KIF13B: variants seen among roughly 807,000 people sequenced by gnomAD.
KIF13B encodes the protein kinesin-like protein KIF13B.
A neutral mutation model predicts 222.0 loss-of-function variants in KIF13B; 127 were observed. The ratio of observed to expected loss-of-function variants is 0.57; its 90% CI spans 0.50 to 0.66. KIF13B has a LOEUF of 0.66. KIF13B is among the 30% of genes least tolerant of loss of function. The pLI is 0.00. For synonymous variants in KIF13B, 976 were observed against 919.0 expected (o/e 1.06, Z -1.12); for missense variants, 2,173 against 2,379.0 (o/e 0.91, Z 1.80).
In KIF13B at chr8:29,156,611, TCAAG is replaced by T. The variant is rs368233174; in HGVS notation, c.1405-759_1405-756del. Among the ~76,000 whole-genome samples, 507 of 152,112 alleles carry T rather than the reference TCAAG, an allele frequency of 3.3e-3. 6 individuals are homozygous for T. Among genetic ancestry groups the T allele is most frequent in the African/African-American group, 0.012 (491 of 41,484 alleles). On this transcript the variant is annotated intron_variant, in intron 13 of 39. Coordinates refer to ENST00000524189, the MANE Select transcript of KIF13B (RefSeq NM_015254.4). Reference sequence around the variant, plus strand: ...CTCACTAAACCTCACCTTCTTGGGCTCAAGCAATCTTCCTGTCTCAGCCTCTGAG... The same window carrying T: ...CTCACTAAACCTCACCTTCTTGGGCTCAATCTTCCTGTCTCAGCCTCTGAG...
rs192017306 is a variant in KIF13B at position 29,261,428 on chromosome 8, G to A, written c.55+1552C>T. ...ATGTCTTTTGTGGTGGTTGGTTAGC[G>A]GCCTCTTTTTAGCACTGACATTTCC... On this transcript the variant is annotated intron_variant, in intron 1 of 39. Transcript: ENST00000524189. Among the ~76,000 whole-genome samples the A allele has an allele frequency of 8.7e-3, 1,325 of 152,228 alleles. 13 individuals are homozygous for A. Among genetic ancestry groups the A allele is most frequent in the Non-Finnish European group, 0.013 (858 of 68,012 alleles).
chr8:29,139,940 C>A (rs1420869525), intron 21 of KIF13B, 123 bp downstream of exon 21: 2 of 827,922 alleles, frequency 2.4e-6, no homozygotes, highest in African/African-American at 1.7e-5. Flanking sequence ...TAAAGACCTG[C>A]AGTTCTCAAA....
At position 29,209,014 on chromosome 8, in the gene KIF13B, A is replaced by G. The variant is rs1049510879; in HGVS notation, c.150-12815T>C. On this transcript the variant is annotated intron_variant, in intron 2 of 39. Coordinates refer to ENST00000524189, the MANE Select transcript of KIF13B (RefSeq NM_015254.4). Reference sequence around the variant, plus strand: ...TAACAGTCTGTTTGTTCGCATTTGCATGGTCTTAGTTTATTTCCATAGGCT... The same window carrying G: ...TAACAGTCTGTTTGTTCGCATTTGCGTGGTCTTAGTTTATTTCCATAGGCT... Among the ~76,000 whole-genome samples the G allele has an allele frequency of 4.6e-5, 7 of 152,210 alleles. No individual in the cohort carries two copies. In the South Asian group the frequency reaches 8.3e-4, roughly 18 times the overall value.
At chr8:29,245,116 C>A (rs969610632) in intron 2 of KIF13B, among the ~76,000 whole-genome samples, 1 of 152,232 alleles carries the variant, frequency 6.6e-6, no homozygotes, top group Non-Finnish European at 1.5e-5. Flanking sequence ...AACACTCAGT[C>A]TCTTCTGTGT....
chr8:29,088,050 G>A (rs1302288600), intron 37 of KIF13B, among the ~76,000 whole-genome samples: 3 of 151,946 alleles, frequency 2.0e-5, no homozygotes, highest in Non-Finnish European at 2.9e-5. Flanking sequence ...GGCGGATCAC[G>A]ACATCAAGAG....
At chr8:29,099,640 G>A (rs534267479) in intron 35 of KIF13B, among the ~76,000 whole-genome samples, 44 of 152,146 alleles carry the variant, frequency 2.9e-4, no homozygotes, top group African/African-American at 9.9e-4. Flanking sequence ...CCAAAGTACT[G>A]GCATTACAGG....
intron 2 of KIF13B, among the ~76,000 whole-genome samples, chr8:29,199,086 T>TTTTTTTTTTTTTTTTTTTA (rs1358025375): frequency 1.5e-4 from 23 of 151,958 alleles, no homozygotes; most frequent in East Asian, 1.2e-3. Context: ...AATAAAATTT[T>TTTTTTTTTTTTTTTTTTTA]TTAAAAAATA....
intron 35 of KIF13B, 80 bp from the exon 36 acceptor site, chr8:29,099,321 A>C: frequency 1.1e-6 from 1 of 914,956 alleles, no homozygotes; most frequent in Middle Eastern, 2.3e-4. Flanking sequence ...ACTCAAGAAA[A>C]AAAACTGTTA....
chr8:29,142,123 TA>T, intron 19 of KIF13B, 33 bp downstream of exon 19: 2 of 1,585,878 alleles, frequency 1.3e-6, no homozygotes, highest in African/African-American at 1.3e-5. Flanking sequence ...CTTCCATAAT[TA>T]CCAATTAAGT....
At chr8:29,094,731 A>T (rs1322928737) in intron 36 of KIF13B, among the ~76,000 whole-genome samples, 1 of 152,244 alleles carries the variant, frequency 6.6e-6, no homozygotes, top group African/African-American at 2.4e-5. Flanking sequence ...GATTTAACAG[A>T]CAACGACTTT....
At chr8:29,225,211 G>A (rs1814967983) in intron 2 of KIF13B, among the ~76,000 whole-genome samples, 2 of 152,216 alleles carry the variant, frequency 1.3e-5, no homozygotes, top group Admixed American at 1.3e-4. Flanking sequence ...TGTGGAGGAC[G>A]GGAAGGCACA....
At chr8:29,100,660 G>C (rs974576613) in intron 35 of KIF13B, among the ~76,000 whole-genome samples, 1 of 152,130 alleles carries the variant, frequency 6.6e-6, no homozygotes, top group Non-Finnish European at 1.5e-5. Flanking sequence ...ATGTTGGTCA[G>C]ACTGGTCTCG....
intron 37 of KIF13B, among the ~76,000 whole-genome samples, chr8:29,089,478 T>A (rs7840219): frequency 0.58 from 88,151 of 151,922 alleles, 26,892 homozygotes; most frequent in Non-Finnish European, 0.69. Flanking sequence ...TGTCAAACAA[T>A]AGACATTTTG....
At chr8:29,141,535 C>A (rs903384538) in intron 19 of KIF13B, among the ~76,000 whole-genome samples, 4 of 152,134 alleles carry the variant, frequency 2.6e-5, no homozygotes, top group South Asian at 2.1e-4. Context: ...AGGAAGTAAA[C>A]AACTCTATGC....
rs186693599 is a variant in KIF13B, at chr8:29,247,589, G to A, written c.56-2150C>T. Among the ~76,000 whole-genome samples the A allele has an allele frequency of 9.2e-5, 14 of 152,200 alleles. 1 individual carries two copies. In the East Asian group the frequency reaches 2.7e-3, roughly 29 times the overall value. ...CACGCCTGTAATCCCAAGACTTTGA[G>A]AGACCAAATTGGGAGGACTGCTTGA... On this transcript the variant is annotated intron_variant, in intron 1 of 39. Transcript: ENST00000524189.
chr8:29,158,858 T>C (rs1811648047), intron 13 of KIF13B, among the ~76,000 whole-genome samples: 1 of 152,202 alleles, frequency 6.6e-6, no homozygotes, highest in Non-Finnish European at 1.5e-5. Flanking sequence ...TCCAAACATC[T>C]TTAAACAGCT....
At chr8:29,187,816 G>C (rs1240569720) in intron 5 of KIF13B, among the ~76,000 whole-genome samples, 1 of 152,154 alleles carries the variant, frequency 6.6e-6, no homozygotes, top group African/African-American at 2.4e-5. Context: ...TAAAAAGTTT[G>C]CACATGGGAA....
intron 4 of KIF13B, chr8:29,189,300 T>A (rs1158368148): frequency 6.6e-6 from 1 of 151,730 alleles, no homozygotes; most frequent in Non-Finnish European, 1.5e-5. Flanking sequence ...TTTTTTTTTT[T>A]AATACCAGTT....
intron 2 of KIF13B, among the ~76,000 whole-genome samples, chr8:29,214,445 ATCAG>A (rs1814383024): frequency 6.6e-6 from 1 of 152,194 alleles, no homozygotes; most frequent in Non-Finnish European, 1.5e-5. Context: ...GGTCAGGATC[ATCAG>A]TATCACCGTC....
Sources: gnomAD v4.1 joint callset for allele counts (sites outside exome capture counted in the v4.1 genomes callset) on GRCh38, gnomAD v4.1.1 for gene constraint, MANE v1.5 for transcripts, NCBI Gene and HGNC (gene_info 2026-07-23, HGNC 2026-07-21) for gene names.